EXOC2: variants seen among roughly 807,000 people sequenced by gnomAD.
EXOC2 encodes the protein exocyst complex component 2, also known as SEC5-like 1.
In EXOC2, 70 loss-of-function variants were observed where a neutral mutation model predicts 131.8. The observed-to-expected ratio is 0.53, with a 90% CI of 0.44 to 0.65. EXOC2 has a LOEUF of 0.65. EXOC2 is among the 30% of genes least tolerant of loss of function. EXOC2 has a pLI of 0.00. For missense variants in EXOC2, 923 were observed against 1,108.6 expected, an observed-to-expected ratio of 0.83 and a Z score of 2.38; for synonymous variants, 411 against 398.4, an observed-to-expected ratio of 1.03 and a Z score of -0.38.
intron 1 of EXOC2, among the ~76,000 whole-genome samples, chr6:651,928 C>T (rs1434817417): frequency 2.6e-5 from 4 of 151,568 alleles, no homozygotes; most frequent in Non-Finnish European, 4.4e-5. Context: ...CGGTGGTGCG[C>T]GCCTGTAATC....
chr6:500,372 A>G (rs933351711), intron 23 of EXOC2, among the ~76,000 whole-genome samples: 1 of 152,234 alleles, frequency 6.6e-6, no homozygotes, highest in Admixed American at 6.5e-5. Context: ...CTTTGCTCAA[A>G]AGCAGAAACA....
chr6:538,775 G>A (rs1298505054), intron 22 of EXOC2, among the ~76,000 whole-genome samples: 1 of 152,190 alleles, frequency 6.6e-6, no homozygotes, highest in Non-Finnish European at 1.5e-5. Context: ...TAAACCCACT[G>A]TAAGTAGAAA....
At chr6:573,677 T>A (rs1487290769) in intron 12 of EXOC2, among the ~76,000 whole-genome samples, 2 of 151,164 alleles carry the variant, frequency 1.3e-5, no homozygotes, top group Non-Finnish European at 1.5e-5. Context: ...TTCTTAATTT[T>A]ATTAAGAAAT....
intron 4 of EXOC2, among the ~76,000 whole-genome samples, chr6:622,320 C>T (rs1285272673): frequency 6.6e-6 from 1 of 152,186 alleles, no homozygotes; most frequent in Non-Finnish European, 1.5e-5. Context: ...GATTTAAGTA[C>T]AAGACATCCT....
chr6:654,590 A>C (rs775078946), intron 1 of EXOC2, among the ~76,000 whole-genome samples: 1 of 151,994 alleles, frequency 6.6e-6, no homozygotes, highest in South Asian at 2.1e-4. Flanking sequence ...GCTTGAGGAC[A>C]GAAGTTCAAA....
chr6:538,521 C>T (rs898591356), intron 22 of EXOC2, among the ~76,000 whole-genome samples: 2 of 152,116 alleles, frequency 1.3e-5, no homozygotes, highest in Admixed American at 6.5e-5. Flanking sequence ...AGAGACGGAG[C>T]GCTAAAGGGT....
chr6:597,455 C>T (rs1438447206), intron 10 of EXOC2, among the ~76,000 whole-genome samples: 1 of 152,184 alleles, frequency 6.6e-6, no homozygotes, highest in Non-Finnish European at 1.5e-5. Flanking sequence ...GCTGGGATTA[C>T]AGGCATGAGC....
intron 7 of EXOC2, among the ~76,000 whole-genome samples, chr6:605,302 C>T (rs9504420): frequency 0.017 from 2,542 of 152,276 alleles, 70 homozygotes; most frequent in African/African-American, 0.057. Context: ...TATCCAAAAA[C>T]GTTTGTTGAA....
At chr6:562,175 G>C (rs771792644) in intron 17 of EXOC2, among the ~76,000 whole-genome samples, 8 of 152,246 alleles carry the variant, frequency 5.3e-5, no homozygotes, top group Non-Finnish European at 1.2e-4. Flanking sequence ...GTGAGAGACA[G>C]AAGTCCCCCC....
At chr6:570,384 C>T (rs846166) in intron 13 of EXOC2, among the ~76,000 whole-genome samples, 133,887 of 152,192 alleles carry the variant, frequency 0.88, 59,151 homozygotes, top group Middle Eastern at 0.94. Flanking sequence ...CCACCCGCCT[C>T]GGCCTCCCAA....
intron 23 of EXOC2, among the ~76,000 whole-genome samples, chr6:513,505 T>C (rs908052920): frequency 6.6e-6 from 1 of 152,206 alleles, no homozygotes; most frequent in African/African-American, 2.4e-5. Flanking sequence ...ATCCATCATA[T>C]TTAAAGTCCA....
At chr6:633,234 C>T in intron 2 of EXOC2, 117 bp from the exon 3 acceptor site, 1 of 1,095,548 alleles carries the variant, frequency 9.1e-7, no homozygotes, top group Non-Finnish European at 1.3e-6. Flanking sequence ...TTGAATATAC[C>T]CAATATTATT....
intron 12 of EXOC2, among the ~76,000 whole-genome samples, chr6:575,154 T>C (rs1758506435): frequency 6.6e-6 from 1 of 152,244 alleles, no homozygotes; most frequent in South Asian, 2.1e-4. Flanking sequence ...GTTCTTGCTC[T>C]ATGAGTTCAC....
chr6:537,386 G>C (rs955241998), intron 22 of EXOC2, among the ~76,000 whole-genome samples: 3 of 150,534 alleles, frequency 2.0e-5, no homozygotes, highest in Non-Finnish European at 4.4e-5. Flanking sequence ...ATGGCCGACG[G>C]AGCGTACACT....
intron 23 of EXOC2, among the ~76,000 whole-genome samples, chr6:529,174 C>T (rs1480804746): frequency 1.3e-5 from 2 of 152,170 alleles, no homozygotes; most frequent in South Asian, 2.1e-4. Flanking sequence ...TTCACAGCCT[C>T]GTGATAATGG....
chr6:542,049 A>G (rs1280630772), intron 22 of EXOC2, among the ~76,000 whole-genome samples: 2 of 152,258 alleles, frequency 1.3e-5, no homozygotes, highest in African/African-American at 2.4e-5. Flanking sequence ...TGCTAATGTA[A>G]AAGTCAAAAA....
intron 1 of EXOC2, among the ~76,000 whole-genome samples, chr6:675,534 CT>C (rs1764073773): frequency 2.7e-5 from 1 of 37,550 alleles, no homozygotes; most frequent in Admixed American, 3.9e-4. Flanking sequence ...GGACAGGTTC[CT>C]CTGGAGACTC....
intron 22 of EXOC2, among the ~76,000 whole-genome samples, chr6:540,535 C>T (rs943096778): frequency 6.6e-6 from 1 of 151,996 alleles, no homozygotes; most frequent in African/African-American, 2.4e-5. Flanking sequence ...CATTTCAATA[C>T]ACAGTAAATT....
At position 598,938 on chromosome 6, in the gene EXOC2, C is replaced by G. The variant is rs1340341663; in HGVS notation, c.892G>C (p.Asp298His). 1 of 1,604,162 alleles carries G rather than the reference C, an allele frequency of 6.2e-7. No individual in the cohort carries two copies. The highest frequency in any genetic ancestry group is 8.5e-7 in the Non-Finnish European group (1 of 1,177,318). ...LNIERNIQKG[D>H]YDVVINDYEK... is the part of the protein sequence containing the mutation. Reference sequence around the variant, plus strand: ...TAATCATTAATAACCACATCATAATCACCCTTTAAAATAAAGAAACATTTT... The same window carrying G: ...TAATCATTAATAACCACATCATAATGACCCTTTAAAATAAAGAAACATTTT... Residue 298 changes from aspartate to histidine, a missense_variant, in exon 9 of 28, where the codon GAT becomes CAT. Asp to His is a moderately conservative substitution (Grantham distance 81). Transcript: ENST00000230449.
Sources: gnomAD v4.1 joint callset for allele counts (sites outside exome capture counted in the v4.1 genomes callset) on GRCh38, gnomAD v4.1.1 for gene constraint, MANE v1.5 for transcripts, NCBI Gene and HGNC (gene_info 2026-07-23, HGNC 2026-07-21) for gene names.